The following ZBTB21 variants were observed in gnomAD, a reference collection of about 807,000 sequenced individuals.
ZBTB21 encodes the protein zinc finger and BTB domain containing 21.
A neutral mutation model predicts 39.8 loss-of-function variants in ZBTB21; 10 were observed. The ratio of observed to expected loss-of-function variants is 0.25; its 90% CI spans 0.16 to 0.43. The LOEUF is 0.43. Among genes scored for constraint, ZBTB21 ranks in the 20% least tolerant of loss-of-function variants. The pLI, the probability that ZBTB21 is intolerant of heterozygous loss-of-function variation, is 1.00. For synonymous variants in ZBTB21, 551 were observed against 498.8 expected (o/e 1.10, Z -1.40); for missense variants, 1,221 against 1,296.3 (o/e 0.94, Z 0.89).
Position 41,991,914 on chromosome 21 carries a change from TAC to T in ZBTB21, c.2180_2181del (p.Cys727Ter). 1.2e-6 allele frequency: 2 copies of T among 1,614,176 alleles called. No individual in the cohort carries two copies. Among genetic ancestry groups the T allele is most frequent in the Non-Finnish European group, 1.7e-6 (2 of 1,180,028 alleles). On this transcript the variant is annotated frameshift_variant, in exon 3 of 3. Coordinates refer to ENST00000310826, the MANE Select transcript of ZBTB21 (RefSeq NM_001098402.2). LOFTEE classifies it high-confidence loss of function. This position sits in a 1 kb window ranked among gnomAD's most constrained non-coding sequence, Gnocchi z 4.9. The part of the protein sequence containing the change: ...ENKEVYQCRL[C>X]NAKLSSLLEQ... ...TCTAGGAGAGAAGAGAGCTTAGCAT[TAC>T]AGAGGCGGCACTGGTAAACCTCCTT...
rs1411290426 is a variant in ZBTB21 at position 41,986,941 on chromosome 21, T to C, written c.*3954A>G. On this transcript the variant is annotated 3_prime_UTR_variant, in exon 3 of 3. Coordinates refer to ENST00000310826, the MANE Select transcript of ZBTB21 (RefSeq NM_001098402.2). ...AAATAAGCAATGGATTAACATTAGA[T>C]AGAAATCCTATTTTACCATGAATTT... 6.6e-6 allele frequency: 1 copy of C among 152,646 alleles called. No individual in the cohort carries two copies. The highest frequency in any genetic ancestry group is 1.5e-5 in the Non-Finnish European group (1 of 68,028). 9.5% of individuals were successfully genotyped at this position (152,646 alleles called of 1,614,324 possible).
chr21:41,992,582 G>T lies in ZBTB21; in HGVS notation c.1514C>A (p.Pro505His). 3 of 1,614,154 alleles carry T rather than the reference G, an allele frequency of 1.9e-6. No homozygotes were observed. The highest frequency in any genetic ancestry group is 2.5e-6 in the Non-Finnish European group (3 of 1,179,992). Residue 505 changes from proline (P) to histidine (H), a missense_variant, in exon 3 of 3, where the codon CCT becomes CAT. Physicochemically the swap from Pro to His is moderately conservative, Grantham distance 77. Transcript: ENST00000310826. This position sits in a 1 kb window ranked among gnomAD's most constrained non-coding sequence, Gnocchi z 4.1. ...TTCCTCAAAATTATCTTCTGACACA[G>T]GAGACCCGTGCTCATTCACCTTTAA... is the stretch of plus-strand genomic sequence containing the variant. Reference protein sequence around the residue: ...KKLKVNEHGSPVSEDNFEEGS... With the variant: ...KKLKVNEHGSHVSEDNFEEGS...
intron 1 of ZBTB21, 122 bp downstream of exon 1, chr21:42,010,130 G>A (rs368715578): frequency 7.7e-6 from 3 of 388,532 alleles, no homozygotes; most frequent in Non-Finnish European, 9.1e-6. Context: ...CGCTGGTGGA[G>A]AAAAAAGAGG....
At position 41,992,730 on chromosome 21, in the gene ZBTB21, C is replaced by T; in HGVS notation, c.1366G>A (p.Ala456Thr). Residue 456 changes from alanine (A) to threonine (T), a missense_variant, in exon 3 of 3, where the codon GCT becomes ACT. Physicochemically the swap from Ala to Thr is moderately conservative, Grantham distance 58. Around this residue, in one of 4 missense-constraint regions of ZBTB21, gnomAD observed 500 missense variants for 465.6 expected, o/e 1.07. Transcript: ENST00000310826. The surrounding 1 kb of genome is among the most constrained non-coding windows in gnomAD (Gnocchi z 4.1). The stretch of plus-strand genomic sequence containing the variant: ...CTTGTGACCGACGAAGATGAGGCAG[C>T]TGCTGTTGTTGCCGCATCTCCCACA... ...VTVGDAATTA[A>T]ASSSSVTRDL... 4 of 1,614,208 alleles carry T rather than the reference C, an allele frequency of 2.5e-6. No homozygotes were observed. Among genetic ancestry groups the T allele is most frequent in the South Asian group, 2.2e-5 (2 of 91,086 alleles).
In ZBTB21 at chr21:41,993,991, A is replaced by G; in HGVS notation, c.105T>C (p.Ile35=). ...GAGCTCGGAACTTTTGGTCTCCAACAATCAGCAGCACATCACACAGCTGTC... is the reference window on the plus strand; with the variant it reads ...GAGCTCGGAACTTTTGGTCTCCAACGATCAGCAGCACATCACACAGCTGTC... ...LKGQLCDVLL[I]VGDQKFRAHK... Residue 35 remains isoleucine (I), a synonymous_variant, in exon 3 of 3, where the codon ATT becomes ATC. Transcript: ENST00000310826. The G allele has an allele frequency of 1.2e-6, 2 of 1,614,272 alleles. No individual in the cohort carries two copies. The highest frequency in any genetic ancestry group is 1.1e-5 in the South Asian group (1 of 91,082).
At chr21:42,008,351 A>G (rs1415392514) in intron 1 of ZBTB21, among the ~76,000 whole-genome samples, 3 of 144,726 alleles carry the variant, frequency 2.1e-5, no homozygotes, top group African/African-American at 8.1e-5. Context: ...ACAAAAAAAA[A>G]AAAAAAAAAA....
rs570726499 is a variant in ZBTB21, at chr21:42,008,280, T to C, written c.-79+1972A>G. 8.7e-5 allele frequency among the ~76,000 whole-genome samples: 11 copies of C among 126,462 alleles called. No homozygotes were observed. The East Asian group carries it at 2.5e-3, about 29-fold the overall frequency. The allele number at this position is 126,462 out of a possible 152,430, so 83.0% of individuals were successfully genotyped here. A position where few individuals can be genotyped will look rare whatever the true frequency, so the allele number is the denominator to read the frequency against. On this transcript the variant is annotated intron_variant, in intron 1 of 2. Coordinates refer to ENST00000310826, the MANE Select transcript of ZBTB21 (RefSeq NM_001098402.2). ...CAGCACTTTGGGAGACCAAGTGGGGTGGATCACGAGGTCAGGAGATCTCAA... is the reference window on the plus strand; with the variant it reads ...CAGCACTTTGGGAGACCAAGTGGGGCGGATCACGAGGTCAGGAGATCTCAA...
chr21:41,990,936 T>A lies in ZBTB21; in HGVS notation c.3160A>T (p.Thr1054Ser), dbSNP rs1308507840. The A allele has an allele frequency of 2.0e-6, 3 of 1,508,120 alleles. No individual in the cohort carries two copies. The Admixed American group carries it at 7.2e-5, about 36-fold the overall frequency. The allele number at this position is 1,508,120 out of a possible 1,614,324, so 93.4% of individuals were successfully genotyped here. The change falls in exon 3 of 3, where the codon ACT becomes TCT. Residue 1054 changes from threonine to serine, a missense_variant. This residue lies in a region of ZBTB21 where 523 missense variants were observed against 542.5 expected (regional missense o/e 0.96). Coordinates refer to ENST00000310826, the MANE Select transcript of ZBTB21 (RefSeq NM_001098402.2). Reference sequence around the variant, plus strand: ...TCGTGACTCCAAAGACTAAATGCAGTCTTGAATGTCCTGTGGCAAAGTTTA... The same window carrying A: ...TCGTGACTCCAAAGACTAAATGCAGACTTGAATGTCCTGTGGCAAAGTTTA... The part of the protein sequence containing the change: ...MCKLCHRTFK[T>S]AFSLWSHEQT...
intron 1 of ZBTB21, among the ~76,000 whole-genome samples, chr21:42,003,731 C>T (rs2065844897): frequency 6.6e-6 from 1 of 152,202 alleles, no homozygotes; most frequent in African/African-American, 2.4e-5. Context: ...ATCTGAAACA[C>T]TTCTGGTCCC....
In ZBTB21 at chr21:41,993,169, G is replaced by C; in HGVS notation, c.927C>G (p.Tyr309Ter). The C allele has an allele frequency of 6.2e-7, 1 of 1,613,834 alleles. No individual in the cohort carries two copies. Among genetic ancestry groups the C allele is most frequent in the Non-Finnish European group, 8.5e-7 (1 of 1,180,020 alleles). The change falls in exon 3 of 3, where the codon TAC (tyrosine) becomes TAG (stop). Residue 309 changes from tyrosine to a stop codon, truncating the protein, a stop_gained. Coordinates refer to ENST00000310826, the MANE Select transcript of ZBTB21 (RefSeq NM_001098402.2). LOFTEE classifies it high-confidence loss of function. ...GGATCACTAAGCCTAACTTTGAATA[G>C]TACAACAAGTTTCTATCTTCACCTT... ...NGQGEDRNLL[Y>*]YSKLGLVIPS...
intron 2 of ZBTB21, among the ~76,000 whole-genome samples, chr21:41,995,715 G>C (rs1175645737): frequency 6.6e-6 from 1 of 152,264 alleles, no homozygotes; most frequent in African/African-American, 2.4e-5. Context: ...GGACATGTCA[G>C]ACCTTTGCAG....
At chr21:42,006,551 G>C (rs906187303) in intron 1 of ZBTB21, among the ~76,000 whole-genome samples, 2 of 151,876 alleles carry the variant, frequency 1.3e-5, no homozygotes, top group Non-Finnish European at 2.9e-5. Flanking sequence ...CCCCAATCTG[G>C]AAAGTCCTAG....
chr21:41,997,912 C>A (rs759797149), intron 2 of ZBTB21, among the ~76,000 whole-genome samples: 1 of 152,020 alleles, frequency 6.6e-6, no homozygotes, highest in African/African-American at 2.4e-5. Context: ...GTTAGCCTCT[C>A]GGTGTGGCAG....
chr21:41,990,805 G>T lies in ZBTB21; in HGVS notation c.*90C>A. ...ACAATCTCCAACCTTTATTATTCTTGTTTAAAAAATATTTTGTTTCTTATG... is the reference window on the plus strand; with the variant it reads ...ACAATCTCCAACCTTTATTATTCTTTTTTAAAAAATATTTTGTTTCTTATG... On this transcript the variant is annotated 3_prime_UTR_variant, in exon 3 of 3. Transcript: ENST00000310826. 1 of 1,272,082 alleles carries T rather than the reference G, an allele frequency of 7.9e-7. No homozygotes were observed. Among genetic ancestry groups the T allele is most frequent in the Non-Finnish European group, 1.0e-6 (1 of 964,542 alleles). The allele number at this position is 1,272,082 out of a possible 1,614,324, so 78.8% of individuals were successfully genotyped here.
chr21:42,007,144 G>A (rs534651200), intron 1 of ZBTB21, among the ~76,000 whole-genome samples: 2 of 152,288 alleles, frequency 1.3e-5, no homozygotes, highest in South Asian at 2.1e-4. Flanking sequence ...CTCCCCAAGA[G>A]GACTGAAAGC....
At chr21:41,994,310 T>C (rs952475134) in intron 2 of ZBTB21, among the ~76,000 whole-genome samples, 3 of 152,144 alleles carry the variant, frequency 2.0e-5, no homozygotes, top group Admixed American at 6.5e-5. Flanking sequence ...TAGGTCCTCA[T>C]TAAAATAGAA....
In ZBTB21 at chr21:41,993,574, G is replaced by C. The variant is rs902020777; in HGVS notation, c.522C>G (p.Ser174=). The C allele has an allele frequency of 6.2e-7, 1 of 1,614,118 alleles. No individual in the cohort carries two copies. Among genetic ancestry groups the C allele is most frequent in the Non-Finnish European group, 8.5e-7 (1 of 1,180,052 alleles). ...SQNQPDVSHT[S]RPSPSIAVKA... is the part of the protein sequence containing the mutation. ...TGACTGCAATGCTAGGAGAGGGCCG[G>C]GAAGTATGGCTTACATCGGGTTGAT... The change falls in exon 3 of 3, where the codon TCC becomes TCG. Residue 174 remains serine, a synonymous_variant. Coordinates refer to ENST00000310826, the MANE Select transcript of ZBTB21 (RefSeq NM_001098402.2).
chr21:41,991,514 G>C lies in ZBTB21; in HGVS notation c.2582C>G (p.Ser861Cys). ...SEQVNFDSED[S>C]SCLPEDLSLS... ...ACTAAGGTCTTCGGGAAGACAAGAG[G>C]AATCTTCCGAGTCGAAGTTAACTTG... The change falls in exon 3 of 3, where the codon TCC becomes TGC. Residue 861 changes from serine to cysteine, a missense_variant. Around this residue, in one of 4 missense-constraint regions of ZBTB21, gnomAD observed 523 missense variants for 542.5 expected, o/e 0.96. Transcript: ENST00000310826. This position sits in a 1 kb window ranked among gnomAD's most constrained non-coding sequence, Gnocchi z 4.9. 6.2e-7 allele frequency: 1 copy of C among 1,614,212 alleles called. No homozygotes were observed. The highest frequency in any genetic ancestry group is 8.5e-7 in the Non-Finnish European group (1 of 1,180,044).
At chr21:42,006,661 G>C (rs1030456147) in intron 1 of ZBTB21, among the ~76,000 whole-genome samples, 2 of 152,200 alleles carry the variant, frequency 1.3e-5, no homozygotes, top group Middle Eastern at 3.4e-3. Context: ...TCCATTATGG[G>C]TTGAATTGTG....
Sources: gnomAD v4.1 joint callset for allele counts (sites outside exome capture counted in the v4.1 genomes callset) on GRCh38, gnomAD v4.1.1 for gene constraint, gnomAD v4.1.1 regional missense constraint, Gnocchi (gnomAD v3.1) non-coding constraint, MANE v1.5 for transcripts, NCBI Gene and HGNC (gene_info 2026-07-23, HGNC 2026-07-21) for gene names.